FRAS1: variants seen among roughly 807,000 people sequenced by gnomAD.
The protein encoded by FRAS1 is Fraser extracellular matrix complex subunit 1.
In FRAS1, 290 loss-of-function variants were observed where a neutral mutation model predicts 435.2. The observed-to-expected ratio is 0.67, with a 90% CI of 0.61 to 0.73. The LOEUF is 0.73. Ranked by LOEUF, FRAS1 falls within the 30% of genes least tolerant of loss-of-function variation. The probability of loss-of-function intolerance (pLI) is 0.00; values close to 1 mark genes in which losing one functional copy is unlikely to be tolerated. For synonymous variants in FRAS1, 1,800 were observed against 1,851.0 expected, an observed-to-expected ratio of 0.97 and a Z score of 0.71; for missense variants, 4,860 against 5,001.5, an observed-to-expected ratio of 0.97 and a Z score of 0.85.
At chr4:78,507,112 G>A (rs1488220097) in intron 61 of FRAS1, among the ~76,000 whole-genome samples, 1 of 152,162 alleles carries the variant, frequency 6.6e-6, no homozygotes, top group Non-Finnish European at 1.5e-5. Context: ...CATAACCAGG[G>A]TGAAGTGTAT....
At chr4:78,337,549 G>GA in intron 19 of FRAS1, 125 bp from the exon 20 acceptor site, 1 of 1,162,106 alleles carries the variant, frequency 8.6e-7, no homozygotes, top group Non-Finnish European at 1.2e-6. Flanking sequence ...GCTTGCTCAG[G>GA]AATCTTCTAA....
At chr4:78,235,252 A>T (rs575508952) in intron 2 of FRAS1, among the ~76,000 whole-genome samples, 1 of 152,286 alleles carries the variant, frequency 6.6e-6, no homozygotes, top group Admixed American at 6.5e-5. Flanking sequence ...CTAGTGTTTG[A>T]CCAAACAAGT....
chr4:78,289,209 C>T (rs914074965), intron 14 of FRAS1, among the ~76,000 whole-genome samples: 2 of 150,712 alleles, frequency 1.3e-5, no homozygotes, highest in African/African-American at 5.0e-5. Flanking sequence ...ACACTTAGTC[C>T]TGCCTGAGAA....
At chr4:78,153,464 T>C (rs1321119392) in intron 2 of FRAS1, among the ~76,000 whole-genome samples, 1 of 152,216 alleles carries the variant, frequency 6.6e-6, no homozygotes, top group Non-Finnish European at 1.5e-5. Flanking sequence ...ACTAAATTCT[T>C]ATTTGATGGA....
At chr4:78,333,151 G>A in intron 18 of FRAS1, 121 bp from the exon 19 acceptor site, 1 of 1,163,930 alleles carries the variant, frequency 8.6e-7, no homozygotes, top group Non-Finnish European at 1.2e-6. Flanking sequence ...CTGTCATTGG[G>A]AAAACCAAGT....
intron 2 of FRAS1, among the ~76,000 whole-genome samples, chr4:78,118,238 C>A (rs1718775240): frequency 6.6e-6 from 1 of 152,190 alleles, no homozygotes; most frequent in Admixed American, 6.5e-5. Flanking sequence ...CAGTCTGCCC[C>A]TACTGGGGGG....
At chr4:78,367,804 T>G (rs1385518649) in intron 22 of FRAS1, among the ~76,000 whole-genome samples, 2 of 152,208 alleles carry the variant, frequency 1.3e-5, no homozygotes, top group Non-Finnish European at 2.9e-5. Context: ...TGAACTGTTG[T>G]TCTTCCAGCT....
chr4:78,277,528 G>C (rs555551872), intron 9 of FRAS1, among the ~76,000 whole-genome samples: 1 of 151,926 alleles, frequency 6.6e-6, no homozygotes, highest in East Asian at 1.9e-4. Context: ...TACTCTTTAG[G>C]CTACAGATAT....
chr4:78,097,326 G>C (rs770577027), intron 2 of FRAS1, among the ~76,000 whole-genome samples: 35 of 152,132 alleles, frequency 2.3e-4, no homozygotes, highest in Non-Finnish European at 3.7e-4. Context: ...GTTCTTCTGA[G>C]CCCTCCAAAC....
intron 70 of FRAS1, among the ~76,000 whole-genome samples, chr4:78,527,827 G>A (rs1235136648): frequency 6.6e-6 from 1 of 152,148 alleles, no homozygotes; most frequent in African/African-American, 2.4e-5. Flanking sequence ...CTTTATTTCA[G>A]GATGCTTGTA....
In FRAS1 at chr4:78,372,871, AGGCCCTGCTCTGTGCT is replaced by A. The variant is rs112289727; in HGVS notation, c.3010+14_3010+29del. 2.8e-4 allele frequency: 453 copies of A among 1,611,796 alleles called. 6 individuals are homozygous for A. The African/African-American group carries it at 3.3e-3, about 12-fold the overall frequency. ...GGCCTCTGCAAGAGTAAGTGTGTAG[AGGCCCTGCTCTGTGCT>A]CAGCCATACCTTGGCCACCTCTGAT... On this transcript the variant is annotated intron_variant, in intron 24 of 73. Coordinates refer to ENST00000512123, the MANE Select transcript of FRAS1 (RefSeq NM_025074.7).
chr4:78,476,651 G>A (rs1242310013), intron 54 of FRAS1, among the ~76,000 whole-genome samples: 4 of 152,154 alleles, frequency 2.6e-5, no homozygotes, highest in Admixed American at 6.5e-5. Flanking sequence ...ATGATAAGAC[G>A]GAGGATATTC....
chr4:78,478,875 G>A (rs72659023), intron 55 of FRAS1, among the ~76,000 whole-genome samples: 17,597 of 152,226 alleles, frequency 0.12, 1,246 homozygotes, highest in East Asian at 0.22. Context: ...AAGGGAAGTG[G>A]CAGCCCTAAT....
At position 78,540,940 on chromosome 4, in the gene FRAS1, T is replaced by A. The variant is rs35379534; in HGVS notation, c.11855T>A (p.Val3952Glu). The A allele has an allele frequency of 1.2e-6, 2 of 1,613,656 alleles. No homozygotes were observed. The highest frequency in any genetic ancestry group is 2.2e-5 in the South Asian group (2 of 91,048). Residue 3952 changes from valine to glutamate, a missense_variant, in exon 74 of 74, where the codon GTA becomes GAA. Coordinates refer to ENST00000512123, the MANE Select transcript of FRAS1 (RefSeq NM_025074.7). ...ILEEYPLNTK[V>E]EVPKRHPDRV... Reference sequence around the variant, plus strand: ...GAAGAATATCCTCTGAATACCAAGGTAGAAGTGCCCAAGAGGCACCCGGAC... The same window carrying A: ...GAAGAATATCCTCTGAATACCAAGGAAGAAGTGCCCAAGAGGCACCCGGAC...
At chr4:78,462,244 G>A (rs547419617) in intron 47 of FRAS1, among the ~76,000 whole-genome samples, 8 of 152,188 alleles carry the variant, frequency 5.3e-5, no homozygotes, top group African/African-American at 1.4e-4. Flanking sequence ...GGATGGTGGC[G>A]TGTGCCTGTA....
At chr4:78,516,876 A>C (rs956689527) in intron 66 of FRAS1, among the ~76,000 whole-genome samples, 1 of 152,222 alleles carries the variant, frequency 6.6e-6, no homozygotes, top group African/African-American at 2.4e-5. Context: ...TGGGGATTAC[A>C]ATTCAAGATG....
intron 72 of FRAS1, among the ~76,000 whole-genome samples, chr4:78,538,715 G>A (rs960560193): frequency 5.9e-5 from 9 of 152,158 alleles, no homozygotes; most frequent in African/African-American, 2.2e-4. Context: ...AGCACTTTGG[G>A]AGGCCGAGGT....
At chr4:78,198,926 T>C (rs1169185440) in intron 2 of FRAS1, among the ~76,000 whole-genome samples, 1 of 152,240 alleles carries the variant, frequency 6.6e-6, no homozygotes, top group African/African-American at 2.4e-5. Flanking sequence ...AAAACATGTG[T>C]TAATTGACTG....
chr4:78,378,302 C>A (rs74764032), intron 26 of FRAS1, among the ~76,000 whole-genome samples: 3,355 of 152,154 alleles, frequency 0.022, 171 homozygotes, highest in African/African-American at 0.075. Flanking sequence ...TGTGACATAC[C>A]ACATTTTATT....
Sources: gnomAD v4.1 joint callset for allele counts (sites outside exome capture counted in the v4.1 genomes callset) on GRCh38, gnomAD v4.1.1 for gene constraint, MANE v1.5 for transcripts, NCBI Gene and HGNC (gene_info 2026-07-23, HGNC 2026-07-21) for gene names.